TLK1: variants seen among roughly 807,000 people sequenced by gnomAD.
TLK1 encodes tousled like kinase 1, also known as serine/threonine-protein kinase tousled-like 1.
In TLK1, 24 loss-of-function variants were observed where a neutral mutation model predicts 105.3. The ratio of observed to expected loss-of-function variants is 0.23; its 90% CI spans 0.17 to 0.32. The LOEUF is 0.32. Ranked by LOEUF, TLK1 falls within the 10% of genes least tolerant of loss-of-function variation. TLK1 has a pLI of 1.00. For synonymous variants in TLK1, 321 were observed against 310.4 expected (o/e 1.03, Z -0.36); for missense variants, 558 against 910.5 (o/e 0.61, Z 4.98).
In TLK1 at chr2:171,116,205, G is replaced by A. The variant is rs139599095; in HGVS notation, c.258+1534C>T. ...GAATTCACACAACTCCAGTTCAACA[G>A]AGACCATGAACAAAGTAAGAGACAT... On this transcript the variant is annotated intron_variant, in intron 2 of 20. Coordinates refer to ENST00000431350, the MANE Select transcript of TLK1 (RefSeq NM_012290.5). Among the ~76,000 whole-genome samples, 306 of 152,228 alleles carry A rather than the reference G, an allele frequency of 2.0e-3. 2 individuals are homozygous for A. Among genetic ancestry groups the A allele is most frequent in the Admixed American group, 3.3e-3 (51 of 15,290 alleles).
At chr2:171,088,936 T>G (rs1366267280) in intron 2 of TLK1, among the ~76,000 whole-genome samples, 1 of 152,236 alleles carries the variant, frequency 6.6e-6, no homozygotes, top group Non-Finnish European at 1.5e-5. Context: ...AAAGTCTCCC[T>G]GATCCTATGA....
intron 1 of TLK1, among the ~76,000 whole-genome samples, chr2:171,148,202 T>G (rs906052232): frequency 6.6e-6 from 1 of 152,168 alleles, no homozygotes; most frequent in African/African-American, 2.4e-5. Flanking sequence ...AGCTGCATAC[T>G]GTAAAGCACT....
intron 2 of TLK1, among the ~76,000 whole-genome samples, chr2:171,111,439 C>T (rs1424328105): frequency 6.6e-6 from 1 of 151,814 alleles, no homozygotes; most frequent in East Asian, 1.9e-4. Flanking sequence ...AAAAACTAGC[C>T]GAATGTCATG....
intron 1 of TLK1, among the ~76,000 whole-genome samples, chr2:171,190,307 A>G (rs1693120544): frequency 6.6e-6 from 1 of 152,166 alleles, no homozygotes; most frequent in Admixed American, 6.5e-5. Flanking sequence ...CCTGCTGCCC[A>G]TGGTGCTAAC....
At chr2:171,020,532 T>C (rs1057174686) in intron 12 of TLK1, among the ~76,000 whole-genome samples, 5 of 147,894 alleles carry the variant, frequency 3.4e-5, no homozygotes, top group African/African-American at 1.0e-4. Flanking sequence ...ACAGCGAGAC[T>C]GTCTAAAAAA....
intron 1 of TLK1, among the ~76,000 whole-genome samples, chr2:171,181,598 G>A (rs1291435969): frequency 6.6e-6 from 1 of 152,186 alleles, no homozygotes; most frequent in Non-Finnish European, 1.5e-5. Context: ...GGTGGAAAGC[G>A]AAGGGGAACT....
At chr2:171,137,010 G>A (rs533172691) in intron 1 of TLK1, among the ~76,000 whole-genome samples, 3 of 152,294 alleles carry the variant, frequency 2.0e-5, no homozygotes, top group South Asian at 4.1e-4. Flanking sequence ...AGCACCTGTC[G>A]TAGTTGTGAC....
chr2:171,160,225 G>C lies in TLK1; in HGVS notation c.139+65C>G. 3 of 1,286,280 alleles carry C rather than the reference G, an allele frequency of 2.3e-6. No individual in the cohort carries two copies. Among genetic ancestry groups the C allele is most frequent in the Non-Finnish European group, 3.0e-6 (3 of 1,012,318 alleles). The allele number at this position is 1,286,280 out of a possible 1,614,324, so 79.7% of individuals were successfully genotyped here. The stretch of plus-strand genomic sequence containing the variant: ...CCCCGGGGCGGGGGGGGCGGGGGGG[G>C]GGCGCGGGGGTCCGCGGCGCGGGAG... On this transcript the variant is annotated intron_variant, in intron 1 of 20. Transcript: ENST00000431350. The surrounding 1 kb of genome is among the most constrained non-coding windows in gnomAD (Gnocchi z 4.4).
chr2:171,071,246 T>C (rs758501314), intron 3 of TLK1, among the ~76,000 whole-genome samples: 64 of 152,204 alleles, frequency 4.2e-4, no homozygotes, highest in Non-Finnish European at 7.9e-4. Context: ...TGTTGATTGT[T>C]TTCTTTGCTG....
intron 1 of TLK1, among the ~76,000 whole-genome samples, chr2:171,140,891 G>A (rs1376640058): frequency 6.6e-6 from 1 of 152,072 alleles, no homozygotes; most frequent in Non-Finnish European, 1.5e-5. Flanking sequence ...TTAACACTGA[G>A]AACTTTAGCA....
At position 171,082,846 on chromosome 2, in the gene TLK1, T is replaced by C; in HGVS notation, c.265A>G (p.Thr89Ala). 1 of 1,605,336 alleles carries C rather than the reference T, an allele frequency of 6.2e-7. No homozygotes were observed. Among genetic ancestry groups the C allele is most frequent in the Non-Finnish European group, 8.5e-7 (1 of 1,177,308 alleles). The change falls in exon 3 of 21, where the codon ACA (threonine) becomes GCA (alanine). Residue 89 changes from threonine (T) to alanine (A), a missense_variant. By Grantham distance (58) the Thr-to-Ala change is moderately conservative (BLOSUM62 0). Transcript: ENST00000431350. ...GSCSVGAKAS[T>A]NNESSNHSFG... is the part of the protein sequence containing the mutation. ...CTGTGATTAGAGCTTTCGTTATTTGTTGAGGCCTGTTAAAGATTTTTTAAA... is the reference window on the plus strand; with the variant it reads ...CTGTGATTAGAGCTTTCGTTATTTGCTGAGGCCTGTTAAAGATTTTTTAAA...
At chr2:171,094,938 G>C (rs948901544) in intron 2 of TLK1, among the ~76,000 whole-genome samples, 4 of 152,058 alleles carry the variant, frequency 2.6e-5, no homozygotes, top group African/African-American at 9.7e-5. Flanking sequence ...GGGGAGAAGA[G>C]GGTAGCAGAT....
At position 171,056,478 on chromosome 2, in the gene TLK1, G is replaced by T. The variant is rs1472220592; in HGVS notation, c.542C>A (p.Ser181Tyr). The change falls in exon 6 of 21, where the codon TCC becomes TAC. Residue 181 changes from serine to tyrosine, a missense_variant. Physicochemically the swap from Ser to Tyr is moderately radical, Grantham distance 144 (BLOSUM62 -2). Transcript: ENST00000431350. ...PQNSHSHSTPSSSVRPNSPSP... is the reference protein window; with the variant it reads ...PQNSHSHSTPYSSVRPNSPSP... ...ACTTGAAAGATGACTTACAGATGAG[G>T]AAGGAGTGGAATGTGAATGTGAATT... 6.2e-7 allele frequency: 1 copy of T among 1,611,090 alleles called. No individual in the cohort carries two copies. Among genetic ancestry groups the T allele is most frequent in the Admixed American group, 1.7e-5 (1 of 59,986 alleles).
At chr2:171,149,306 A>G (rs1056149078) in intron 1 of TLK1, among the ~76,000 whole-genome samples, 3 of 152,040 alleles carry the variant, frequency 2.0e-5, no homozygotes, top group Admixed American at 1.3e-4. Flanking sequence ...TGTATTTCTC[A>G]TTCAATTTCA....
At chr2:171,112,806 T>G (rs1690240890) in intron 2 of TLK1, among the ~76,000 whole-genome samples, 1 of 151,864 alleles carries the variant, frequency 6.6e-6, no homozygotes, top group South Asian at 2.1e-4. Context: ...TAAAAAAAGA[T>G]CAGCAACAAA....
chr2:171,095,497 A>G (rs765532238), intron 2 of TLK1, among the ~76,000 whole-genome samples: 1 of 152,176 alleles, frequency 6.6e-6, no homozygotes, highest in Non-Finnish European at 1.5e-5. Flanking sequence ...TTATGCCAAC[A>G]AATCAGATAA....
chr2:171,069,377 G>C (rs1231380360), intron 3 of TLK1, among the ~76,000 whole-genome samples: 1 of 152,176 alleles, frequency 6.6e-6, no homozygotes, highest in Non-Finnish European at 1.5e-5. Flanking sequence ...TCGCAATCTA[G>C]CTCCATTGGT....
At position 170,991,580 on chromosome 2, in the gene TLK1, T is replaced by C. The variant is rs1683785934; in HGVS notation, c.*2200A>G. 1 of 152,238 alleles carries C rather than the reference T, an allele frequency of 6.6e-6. No individual in the cohort carries two copies. The highest frequency in any genetic ancestry group is 1.5e-5 in the Non-Finnish European group (1 of 68,036). The allele number at this position is 152,238 out of a possible 1,614,324, so 9.4% of individuals were successfully genotyped here. Reference sequence around the variant, plus strand: ...AGGTCAGGAAAGCAACTTCATTTCATGGCTTGTTTTTCCCCTTTTCTGCGT... The same window carrying C: ...AGGTCAGGAAAGCAACTTCATTTCACGGCTTGTTTTTCCCCTTTTCTGCGT... On this transcript the variant is annotated 3_prime_UTR_variant, in exon 21 of 21. Coordinates refer to ENST00000431350, the MANE Select transcript of TLK1 (RefSeq NM_012290.5).
At chr2:171,055,464 T>TC (rs1687457498) in intron 6 of TLK1, among the ~76,000 whole-genome samples, 1 of 151,730 alleles carries the variant, frequency 6.6e-6, no homozygotes, top group East Asian at 1.9e-4. Context: ...TTTCATACAG[T>TC]TAAAAAAAAA....
Sources: allele counts gnomAD v4.1 joint callset (sites outside exome capture counted in the v4.1 genomes callset), GRCh38; gene constraint gnomAD v4.1.1; non-coding constraint Gnocchi (gnomAD v3.1); transcripts MANE v1.5; gene names NCBI Gene and HGNC (gene_info 2026-07-23, HGNC 2026-07-21).